The following TTC39C variants were observed in gnomAD, a reference collection of about 807,000 sequenced individuals.
The protein encoded by TTC39C is tetratricopeptide repeat domain 39C.
In TTC39C, 33 loss-of-function variants were observed where a neutral mutation model predicts 76.3. That is an observed-to-expected ratio of 0.43 (90% CI 0.33 to 0.58). The LOEUF (loss-of-function observed/expected upper bound fraction) is 0.58. Ranked by LOEUF, TTC39C falls within the 20% of genes least tolerant of loss-of-function variation. TTC39C has a pLI of 0.04. For synonymous variants in TTC39C, 254 were observed against 260.6 expected, an observed-to-expected ratio of 0.97 and a Z score of 0.24; for missense variants, 595 against 701.4, an observed-to-expected ratio of 0.85 and a Z score of 1.71.
At chr18:24,041,576 AT>A (rs2145691547) in intron 1 of TTC39C, among the ~76,000 whole-genome samples, 1 of 152,350 alleles carries the variant, frequency 6.6e-6, no homozygotes, top group South Asian at 2.1e-4. Context: ...TAGGTTAGGA[AT>A]AGCTAGTAAT....
At chr18:24,001,831 T>TTTTTTTTG (rs2083313888) in intron 1 of TTC39C, among the ~76,000 whole-genome samples, 5 of 44,594 alleles carry the variant, frequency 1.1e-4, no homozygotes, top group South Asian at 6.3e-4. Flanking sequence ...CTGTTTTTTT[T>TTTTTTTTG]TTTTTTTTTT....
intron 8 of TTC39C, among the ~76,000 whole-genome samples, chr18:24,120,770 T>C (rs930431243): frequency 2.0e-5 from 3 of 152,212 alleles, no homozygotes; most frequent in African/African-American, 7.2e-5. Context: ...TCTACCTACC[T>C]TGTGTATAAG....
At chr18:24,039,998 A>G (rs2083772788) in intron 1 of TTC39C, among the ~76,000 whole-genome samples, 1 of 152,226 alleles carries the variant, frequency 6.6e-6, no homozygotes, top group Admixed American at 6.5e-5. Flanking sequence ...TTTGTCATCA[A>G]CTGGGAAATG....
At chr18:24,042,572 C>A (rs767113038) in intron 1 of TTC39C, among the ~76,000 whole-genome samples, 1 of 152,144 alleles carries the variant, frequency 6.6e-6, no homozygotes, top group African/African-American at 2.4e-5. Context: ...GGGTTGGGAA[C>A]CCCTGCTTTA....
At chr18:24,009,433 T>C (rs1305004105) in intron 1 of TTC39C, among the ~76,000 whole-genome samples, 1 of 152,046 alleles carries the variant, frequency 6.6e-6, no homozygotes, top group Non-Finnish European at 1.5e-5. Context: ...GTAATGGACA[T>C]TCACCCAAGG....
At chr18:24,071,246 C>A (rs961575290) in intron 4 of TTC39C, among the ~76,000 whole-genome samples, 6 of 152,106 alleles carry the variant, frequency 3.9e-5, no homozygotes, top group African/African-American at 1.4e-4. Context: ...TAAATGAGTA[C>A]GTCTGTCTTT....
chr18:24,055,239 A>T (rs983462898), intron 1 of TTC39C, among the ~76,000 whole-genome samples: 1 of 152,040 alleles, frequency 6.6e-6, no homozygotes, highest in African/African-American at 2.4e-5. Context: ...CCTGCTTTCA[A>T]TTCTTTTGTG....
intron 12 of TTC39C, among the ~76,000 whole-genome samples, chr18:24,130,706 G>A (rs1236991081): frequency 1.3e-5 from 2 of 151,980 alleles, no homozygotes; most frequent in Admixed American, 6.6e-5. Context: ...ACATCATAGA[G>A]TACTTACACA....
intron 2 of TTC39C, among the ~76,000 whole-genome samples, chr18:24,065,554 C>T (rs943956483): frequency 6.6e-6 from 1 of 152,202 alleles, no homozygotes; most frequent in African/African-American, 2.4e-5. Context: ...ACTGGAATTG[C>T]AGTCCCTGGA....
chr18:24,042,392 C>T, intron 1 of TTC39C, among the ~76,000 whole-genome samples: 1 of 152,126 alleles, frequency 6.6e-6, no homozygotes, highest in East Asian at 1.9e-4. Flanking sequence ...GTATACACAA[C>T]CTAGACCCCC....
intron 1 of TTC39C, among the ~76,000 whole-genome samples, chr18:24,009,618 A>G (rs962871637): frequency 1.3e-5 from 2 of 152,226 alleles, no homozygotes; most frequent in African/African-American, 4.8e-5. Flanking sequence ...TCTGAAGACC[A>G]ACAGAAGACC....
At chr18:24,038,373 C>T (rs75993620) in intron 1 of TTC39C, among the ~76,000 whole-genome samples, 5 of 152,162 alleles carry the variant, frequency 3.3e-5, no homozygotes, top group East Asian at 1.9e-4. Context: ...GCCTCGACCT[C>T]CCAGGCTCAG....
chr18:24,064,881 C>G (rs781125352), intron 2 of TTC39C, among the ~76,000 whole-genome samples: 1 of 152,068 alleles, frequency 6.6e-6, no homozygotes, highest in African/African-American at 2.4e-5. Context: ...GGTACCACGC[C>G]AGCTTCCAGT....
chr18:24,110,175 A>G (rs1161959916), intron 6 of TTC39C, among the ~76,000 whole-genome samples: 2 of 152,252 alleles, frequency 1.3e-5, no homozygotes, highest in Admixed American at 6.5e-5. Flanking sequence ...AATCATTGAT[A>G]AAACCATACA....
intron 4 of TTC39C, among the ~76,000 whole-genome samples, chr18:24,075,704 C>CA (rs530208641): frequency 0.013 from 1,595 of 121,602 alleles, 23 homozygotes; most frequent in Middle Eastern, 0.064. Flanking sequence ...AAAAAAAAAA[C>CA]AAAAAAAAAA....
chr18:24,051,759 G>A (rs1478727516), intron 1 of TTC39C, among the ~76,000 whole-genome samples: 2 of 152,236 alleles, frequency 1.3e-5, no homozygotes, highest in Admixed American at 1.3e-4. Context: ...GTTGGTGAAA[G>A]CAGTTTTACA....
rs549868577 is a variant in TTC39C, at chr18:24,066,147, A to G, written c.345+7A>G. ...GAATAAAATTAAGAAGAACGTAAGT[A>G]TTGCGGCTTTAGGTTGTGGACTGTG... On this transcript the variant is annotated splice_region_variant and intron_variant, in intron 3 of 13. Transcript: ENST00000317571. The G allele has an allele frequency of 3.8e-6, 6 of 1,594,986 alleles. No individual in the cohort carries two copies. The African/African-American group carries it at 6.8e-5, about 18-fold the overall frequency.
intron 10 of TTC39C, among the ~76,000 whole-genome samples, chr18:24,128,459 A>G (rs2085078274): frequency 1.3e-5 from 2 of 150,832 alleles, no homozygotes; most frequent in South Asian, 4.1e-4. Context: ...AGTAAGATAT[A>G]TATCTTATTG....
intron 4 of TTC39C, among the ~76,000 whole-genome samples, chr18:24,071,095 A>G (rs2084235894): frequency 6.6e-6 from 1 of 151,808 alleles, no homozygotes; most frequent in African/African-American, 2.4e-5. Context: ...CGCCCAACTA[A>G]TTTTTTGTAC....
Sources: allele counts gnomAD v4.1 joint callset (sites outside exome capture counted in the v4.1 genomes callset), GRCh38; gene constraint gnomAD v4.1.1; transcripts MANE v1.5; gene names NCBI Gene and HGNC (gene_info 2026-07-23, HGNC 2026-07-21).